The following B4GALNT3 variants were observed in gnomAD, a reference collection of about 807,000 sequenced individuals.
B4GALNT3 encodes the protein beta-1,4-N-acetyl-galactosaminyltransferase 3, also known as beta-1,4-N-acetylgalactosaminyltransferase 3.
In B4GALNT3, 86 loss-of-function variants were observed where a neutral mutation model predicts 120.2. That is an observed-to-expected ratio of 0.72 (90% CI 0.60 to 0.86). The LOEUF (loss-of-function observed/expected upper bound fraction) is 0.86, where lower values mean the gene tolerates loss of function less well. B4GALNT3 is among the 40% of genes least tolerant of loss of function. The pLI is 0.00. For missense variants in B4GALNT3, 1,167 were observed against 1,298.9 expected, an observed-to-expected ratio of 0.90 and a Z score of 1.56; for synonymous variants, 518 against 510.4, an observed-to-expected ratio of 1.01 and a Z score of -0.20.
intron 1 of B4GALNT3, among the ~76,000 whole-genome samples, chr12:500,865 C>CCTTTTTTTTTTTTTTTTTTTTTTTTTTT (rs2043817132): frequency 8.1e-5 from 5 of 61,814 alleles, no homozygotes; most frequent in African/African-American, 3.7e-4. Context: ...GGCTCCACTG[C>CCTTTTTTTTTTTTTTTTTTTTTTTTTTT]TTTTTTTTTT....
chr12:546,702 C>T lies in B4GALNT3; in HGVS notation c.696C>T (p.Ser232=), dbSNP rs1223542559. Residue 232 remains serine (S), a synonymous_variant, in exon 7 of 20, where the codon TCC becomes TCT. Transcript: ENST00000266383. ...GEFGKFRSQI[S]KPVSLSASHR... The stretch of plus-strand genomic sequence containing the variant: ...TTGGGAAATTTCGGAGCCAAATTTC[C>T]AAGCCGGTGAGGTGAGTGAGGGTCA... 2 of 1,551,414 alleles carry T rather than the reference C, an allele frequency of 1.3e-6. No homozygotes were observed. Among genetic ancestry groups the T allele is most frequent in the Non-Finnish European group, 8.7e-7 (1 of 1,146,850 alleles).
intron 1 of B4GALNT3, among the ~76,000 whole-genome samples, chr12:481,867 C>G (rs987145496): frequency 6.6e-5 from 10 of 152,116 alleles, no homozygotes; most frequent in African/African-American, 2.4e-4. Context: ...CTCCCTCTTG[C>G]ATCAAGATAT....
chr12:559,608 G>A lies in B4GALNT3; in HGVS notation c.2888+187G>A, dbSNP rs1015548315. Among the ~76,000 whole-genome samples, 3 of 152,068 alleles carry A rather than the reference G, an allele frequency of 2.0e-5. No individual in the cohort carries two copies. In the East Asian group the frequency reaches 5.8e-4, roughly 29 times the overall value. On this transcript the variant is annotated intron_variant, in intron 19 of 19. Coordinates refer to ENST00000266383, the MANE Select transcript of B4GALNT3 (RefSeq NM_173593.4). Reference sequence around the variant, plus strand: ...TGGGACTCAGTTTCTCTATTAGAGGGGTGTGACTCGCCCTCTGTCTGTGTC... The same window carrying A: ...TGGGACTCAGTTTCTCTATTAGAGGAGTGTGACTCGCCCTCTGTCTGTGTC...
At chr12:521,412 G>T (rs1055447018) in intron 1 of B4GALNT3, among the ~76,000 whole-genome samples, 2 of 152,204 alleles carry the variant, frequency 1.3e-5, no homozygotes, top group Non-Finnish European at 2.9e-5. Context: ...AATCACTGCC[G>T]TGGTTCCTGG....
chr12:495,400 A>T lies in B4GALNT3; in HGVS notation c.169+34855A>T, dbSNP rs1041238402. Reference sequence around the variant, plus strand: ...TTAGTCCCCCTAACTTTCTTTGTAAACCTTAGTTCAGCTGATCAATGTACC... The same window carrying T: ...TTAGTCCCCCTAACTTTCTTTGTAATCCTTAGTTCAGCTGATCAATGTACC... On this transcript the variant is annotated intron_variant, in intron 1 of 19. Coordinates refer to ENST00000266383, the MANE Select transcript of B4GALNT3 (RefSeq NM_173593.4). Among the ~76,000 whole-genome samples, 18 of 152,046 alleles carry T rather than the reference A, an allele frequency of 1.2e-4. 1 individual carries two copies. Among genetic ancestry groups the T allele is most frequent in the African/African-American group, 4.3e-4 (18 of 41,476 alleles).
chr12:539,639 G>A (rs1027168938), intron 3 of B4GALNT3, among the ~76,000 whole-genome samples: 124 of 152,200 alleles, frequency 8.1e-4, no homozygotes, highest in Non-Finnish European at 8.4e-4. Flanking sequence ...AAGGCTGGGT[G>A]TGGTGGCTCA....
intron 18 of B4GALNT3, 48 bp from the exon 19 acceptor site, chr12:559,247 C>G: frequency 6.2e-7 from 1 of 1,611,766 alleles, no homozygotes; most frequent in Non-Finnish European, 8.5e-7. Flanking sequence ...CTTCCTTCCT[C>G]CTCCTGGCCT....
intron 1 of B4GALNT3, among the ~76,000 whole-genome samples, chr12:515,489 A>G (rs12826282): frequency 0.83 from 126,358 of 151,836 alleles, 52,715 homozygotes; most frequent in African/African-American, 0.88. Flanking sequence ...GAGCCACCGC[A>G]CCCAGCCTCA....
chr12:546,915 G>C, intron 7 of B4GALNT3: 1 of 596,646 alleles, frequency 1.7e-6, no homozygotes, highest in Non-Finnish European at 3.0e-6. Flanking sequence ...AGGCCCAGAA[G>C]GCCGTGACTT....
chr12:529,760 G>A (rs1411080163), intron 1 of B4GALNT3, among the ~76,000 whole-genome samples: 13 of 124,502 alleles, frequency 1.0e-4, no homozygotes, highest in East Asian at 4.8e-4. Context: ...GTGTACCTTC[G>A]GTAAAGGTGA....
chr12:512,085 A>G (rs1358006445), intron 1 of B4GALNT3, among the ~76,000 whole-genome samples: 1 of 66,304 alleles, frequency 1.5e-5, no homozygotes, highest in African/African-American at 6.3e-5. Context: ...TCCACCTTCG[A>G]CCTTCCACCT....
intron 16 of B4GALNT3, 118 bp from the exon 17 acceptor site, chr12:557,898 A>G (rs1276216920): frequency 6.8e-7 from 1 of 1,463,476 alleles, no homozygotes; most frequent in African/African-American, 1.4e-5. Flanking sequence ...CAGAGGGCTC[A>G]CCTGCCCATA....
intron 1 of B4GALNT3, among the ~76,000 whole-genome samples, chr12:528,488 C>T (rs1040817332): frequency 2.7e-4 from 41 of 152,214 alleles, no homozygotes; most frequent in African/African-American, 9.7e-4. Flanking sequence ...AAGTGTTAAC[C>T]GTTACTGTTG....
chr12:497,369 TCTCA>T (rs1357733602), intron 1 of B4GALNT3, among the ~76,000 whole-genome samples: 7 of 151,812 alleles, frequency 4.6e-5, no homozygotes, highest in African/African-American at 1.7e-4. Flanking sequence ...GTCAGGCTGT[TCTCA>T]CTCAGGTGAA....
intron 19 of B4GALNT3, among the ~76,000 whole-genome samples, chr12:560,539 G>A (rs757575275): frequency 7.2e-5 from 11 of 152,192 alleles, no homozygotes; most frequent in African/African-American, 9.7e-5. Flanking sequence ...CCCGTTGAGG[G>A]AAGAAAGAAA....
intron 1 of B4GALNT3, among the ~76,000 whole-genome samples, chr12:484,244 G>A (rs1230914577): frequency 6.6e-6 from 1 of 152,108 alleles, no homozygotes; most frequent in Admixed American, 6.5e-5. Flanking sequence ...TGCCTTCCCC[G>A]AGGTGCTGGC....
chr12:555,429 C>T (rs749841779), intron 14 of B4GALNT3: 3 of 453,784 alleles, frequency 6.6e-6, no homozygotes, highest in South Asian at 4.7e-5. Context: ...CTTCATTCCT[C>T]GATATTGCTG....
chr12:553,113 A>G (rs556547009), intron 13 of B4GALNT3, 81 bp from the exon 14 acceptor site: 460 of 1,554,442 alleles, frequency 3.0e-4, no homozygotes, highest in Non-Finnish European at 2.6e-4. Context: ...CGTCACACGT[A>G]TGATCATCCT....
At chr12:511,774 A>G (rs1490147993) in intron 1 of B4GALNT3, among the ~76,000 whole-genome samples, 3 of 51,348 alleles carry the variant, frequency 5.8e-5, no homozygotes, top group Admixed American at 1.9e-4. Flanking sequence ...TCCACCTTCC[A>G]CCTTCTTCCA....
Sources: gnomAD v4.1 joint callset for allele counts (sites outside exome capture counted in the v4.1 genomes callset) on GRCh38, gnomAD v4.1.1 for gene constraint, MANE v1.5 for transcripts, NCBI Gene and HGNC (gene_info 2026-07-23, HGNC 2026-07-21) for gene names.